C8orf34: variants seen among roughly 807,000 people sequenced by gnomAD.
C8orf34 encodes the protein chromosome 8 open reading frame 34.
A neutral mutation model predicts 68.3 loss-of-function variants in C8orf34; 65 were observed. The ratio of observed to expected loss-of-function variants is 0.95; its 90% CI spans 0.78 to 1.17. The LOEUF is 1.17. Among genes scored for constraint, C8orf34 ranks in the 50% most tolerant of loss-of-function variants. C8orf34 has a pLI of 0.00. For synonymous variants in C8orf34, 244 were observed against 241.2 expected (o/e 1.01, Z -0.11); for missense variants, 664 against 655.4 (o/e 1.01, Z -0.14).
rs778807247 is a variant in C8orf34 at position 68,446,485 on chromosome 8, C to T, written c.607+25C>T. ...TGTAAGGAAGTCTCTTATTCAAATGCTATTCAAAGCATGTAAGTTTATGTT... is the reference window on the plus strand; with the variant it reads ...TGTAAGGAAGTCTCTTATTCAAATGTTATTCAAAGCATGTAAGTTTATGTT... On this transcript the variant is annotated intron_variant, in intron 3 of 13. Coordinates refer to ENST00000518698, the MANE Select transcript of C8orf34 (RefSeq NM_052958.4). The T allele has an allele frequency of 1.2e-5, 19 of 1,594,152 alleles. No homozygotes were observed. The Admixed American group carries it at 2.4e-4, about 20-fold the overall frequency.
chr8:68,607,061 C>T (rs1475022200), intron 7 of C8orf34, among the ~76,000 whole-genome samples: 3 of 152,144 alleles, frequency 2.0e-5, no homozygotes, highest in Non-Finnish European at 4.4e-5. Flanking sequence ...TGAAAACTCC[C>T]ATCTGTGTTT....
Position 68,358,133 on chromosome 8 carries a change from C to T in C8orf34, c.327+26794C>T, listed in dbSNP as rs143963401. 1.6e-4 allele frequency among the ~76,000 whole-genome samples: 24 copies of T among 152,284 alleles called. No individual in the cohort carries two copies. The East Asian group carries it at 4.6e-3, about 29-fold the overall frequency. On this transcript the variant is annotated intron_variant, in intron 1 of 13. Transcript: ENST00000518698. ...TTTAAATAAATCGTAAAGCAACACA[C>T]TTTCGGCCCACATCATTTTGGTACA...
intron 8 of C8orf34, among the ~76,000 whole-genome samples, chr8:68,653,795 T>C (rs1180936826): frequency 1.3e-5 from 2 of 152,092 alleles, no homozygotes; most frequent in Non-Finnish European, 2.9e-5. Flanking sequence ...ACATATGAAT[T>C]CAGGGGAGAC....
At chr8:68,384,029 G>T (rs1586028067) in intron 1 of C8orf34, among the ~76,000 whole-genome samples, 1 of 152,168 alleles carries the variant, frequency 6.6e-6, no homozygotes, top group African/African-American at 2.4e-5. Context: ...CTATTTAGGA[G>T]ATACTTAACC....
At chr8:68,614,498 T>G (rs938464678) in intron 7 of C8orf34, among the ~76,000 whole-genome samples, 10 of 152,210 alleles carry the variant, frequency 6.6e-5, no homozygotes, top group Non-Finnish European at 1.5e-4. Context: ...AGTTTCAGCT[T>G]TCTACATACG....
At chr8:68,643,576 C>T (rs1212860926) in intron 8 of C8orf34, among the ~76,000 whole-genome samples, 2 of 152,114 alleles carry the variant, frequency 1.3e-5, no homozygotes, top group Admixed American at 6.6e-5. Context: ...CTGGGGAGGA[C>T]CTGCTTCCTC....
At chr8:68,662,982 T>C (rs1325459689) in intron 8 of C8orf34, among the ~76,000 whole-genome samples, 6 of 152,204 alleles carry the variant, frequency 3.9e-5, no homozygotes. Context: ...ATAGGAGTTC[T>C]GAAAACAATG....
chr8:68,424,285 G>C (rs1004325574), intron 1 of C8orf34, among the ~76,000 whole-genome samples: 1 of 152,080 alleles, frequency 6.6e-6, no homozygotes, highest in Admixed American at 6.5e-5. Flanking sequence ...TGAAACTAAA[G>C]CCCACAAAAG....
intron 10 of C8orf34, among the ~76,000 whole-genome samples, chr8:68,722,314 C>A (rs969052245): frequency 1.3e-5 from 2 of 152,036 alleles, no homozygotes; most frequent in African/African-American, 4.8e-5. Flanking sequence ...TCCCTAATAA[C>A]CTCCTTTAAC....
At chr8:68,725,055 C>G (rs1256320511) in intron 10 of C8orf34, among the ~76,000 whole-genome samples, 1 of 152,050 alleles carries the variant, frequency 6.6e-6, no homozygotes, top group Non-Finnish European at 1.5e-5. Context: ...TTTGTAGAGA[C>G]AGAATCTAGC....
chr8:68,806,797 C>A (rs1824501178), intron 12 of C8orf34, among the ~76,000 whole-genome samples: 1 of 152,194 alleles, frequency 6.6e-6, no homozygotes, highest in Admixed American at 6.5e-5. Context: ...TGCTGCCTAA[C>A]AAATCACCCC....
chr8:68,709,149 A>G, intron 9 of C8orf34, 70 bp downstream of exon 9: 1 of 1,180,442 alleles, frequency 8.5e-7, no homozygotes. Flanking sequence ...GTAAAGGAAA[A>G]AAACTAAACC....
chr8:68,724,587 G>T (rs1036047745), intron 10 of C8orf34, among the ~76,000 whole-genome samples: 7 of 152,154 alleles, frequency 4.6e-5, no homozygotes, highest in South Asian at 2.1e-4. Context: ...CTCCAAATAA[G>T]CAAGTCGTTC....
At chr8:68,517,435 T>C (rs563387993) in intron 5 of C8orf34, among the ~76,000 whole-genome samples, 1 of 152,324 alleles carries the variant, frequency 6.6e-6, no homozygotes, top group East Asian at 1.9e-4. Context: ...TAGAAAAATA[T>C]AGTAGAGCCC....
In C8orf34 at chr8:68,701,422, T is replaced by C. The variant is rs150736557; in HGVS notation, c.1242-7572T>C. ...TAAACTTACCATATCCCAAACAAAATTCCACTTAATCCCTACCAAATTTCT... is the reference window on the plus strand; with the variant it reads ...TAAACTTACCATATCCCAAACAAAACTCCACTTAATCCCTACCAAATTTCT... On this transcript the variant is annotated intron_variant, in intron 8 of 13. Transcript: ENST00000518698. Among the ~76,000 whole-genome samples, 403 of 152,192 alleles carry C rather than the reference T, an allele frequency of 2.6e-3. 1 individual carries two copies. Among genetic ancestry groups the C allele is most frequent in the African/African-American group, 9.1e-3 (378 of 41,550 alleles).
At position 68,815,926 on chromosome 8, in the gene C8orf34, T is replaced by TC; in HGVS notation, c.1592dup (p.Thr532TyrfsTer19). The stretch of plus-strand genomic sequence containing the variant: ...TTCTTTGCGTTCCATGCTCTTCTTG[T>TC]CCTACGCTGGTCTACTCTGGTATGT... On this transcript the variant is annotated frameshift_variant, in exon 13 of 14. Coordinates refer to ENST00000518698, the MANE Select transcript of C8orf34 (RefSeq NM_052958.4). LOFTEE classifies it high-confidence loss of function. The TC allele has an allele frequency of 1.2e-6, 2 of 1,613,854 alleles. No homozygotes were observed. Among genetic ancestry groups the TC allele is most frequent in the Non-Finnish European group, 1.7e-6 (2 of 1,179,796 alleles).
At chr8:68,704,100 C>G (rs1395242200) in intron 8 of C8orf34, among the ~76,000 whole-genome samples, 1 of 152,092 alleles carries the variant, frequency 6.6e-6, no homozygotes, top group Non-Finnish European at 1.5e-5. Flanking sequence ...CTAAGCTAGA[C>G]TTTAATTACA....
At chr8:68,609,492 G>A (rs976396415) in intron 7 of C8orf34, among the ~76,000 whole-genome samples, 10 of 152,136 alleles carry the variant, frequency 6.6e-5, no homozygotes, top group African/African-American at 2.4e-4. Context: ...TCAAGAAATT[G>A]GTGTGGTCAC....
intron 1 of C8orf34, chr8:68,438,334 A>C (rs1372267454): frequency 6.6e-6 from 1 of 152,156 alleles, no homozygotes; most frequent in African/African-American, 2.4e-5. Flanking sequence ...TAAAATGATA[A>C]AATAATAAAG....
Sources: allele counts gnomAD v4.1 joint callset (sites outside exome capture counted in the v4.1 genomes callset), GRCh38; gene constraint gnomAD v4.1.1; transcripts MANE v1.5; gene names NCBI Gene and HGNC (gene_info 2026-07-23, HGNC 2026-07-21).